The following CALN1 variants were observed in gnomAD, a reference collection of about 807,000 sequenced individuals.
CALN1 encodes the protein calneuron 1, also known as calcium-binding protein 8.
Under a neutral mutation model 30.6 loss-of-function variants are expected in CALN1, and 17 were observed. The observed-to-expected ratio is 0.56, with a 90% CI of 0.38 to 0.83. CALN1 has a LOEUF of 0.83. Among genes scored for constraint, CALN1 ranks in the 40% least tolerant of loss-of-function variants. The pLI is 0.00. For synonymous variants in CALN1, 156 were observed against 131.4 expected, an observed-to-expected ratio of 1.19 and a Z score of -1.28; for missense variants, 291 against 354.9, an observed-to-expected ratio of 0.82 and a Z score of 1.45.
At chr7:72,286,249 A>C (rs146367696) in intron 2 of CALN1, among the ~76,000 whole-genome samples, 2,474 of 151,934 alleles carry the variant, frequency 0.016, 34 homozygotes, top group Middle Eastern at 0.031. Flanking sequence ...TGCTTTATTA[A>C]AGCAGCCAAG....
intron 5 of CALN1, among the ~76,000 whole-genome samples, chr7:71,822,126 G>C (rs1284297048): frequency 6.6e-6 from 1 of 152,118 alleles, no homozygotes; most frequent in African/African-American, 2.4e-5. Context: ...CTCTTACAAG[G>C]AGGCTAGAAT....
intron 2 of CALN1, among the ~76,000 whole-genome samples, chr7:72,380,716 G>GATAGATAGATAGATAC (rs1554394763): frequency 1.5e-4 from 22 of 150,622 alleles, no homozygotes; most frequent in African/African-American, 3.9e-4. Flanking sequence ...TAGATAGATA[G>GATAGATAGATAGATAC]ATAGATACAT....
chr7:71,800,057 T>C (rs917288246), intron 6 of CALN1, among the ~76,000 whole-genome samples: 7 of 152,196 alleles, frequency 4.6e-5, no homozygotes, highest in Admixed American at 2.6e-4. Context: ...AGAACCATTG[T>C]GCATGGCCAG....
intron 2 of CALN1, among the ~76,000 whole-genome samples, chr7:72,319,564 A>G (rs1211192864): frequency 6.6e-6 from 1 of 152,106 alleles, no homozygotes; most frequent in Non-Finnish European, 1.5e-5. Context: ...CATACACACA[A>G]TGGAATACTA....
intron 1 of CALN1, among the ~76,000 whole-genome samples, chr7:72,441,304 T>G (rs905973331): frequency 1.3e-5 from 2 of 151,502 alleles, no homozygotes; most frequent in Non-Finnish European, 2.9e-5. Context: ...AGTTAAAAAT[T>G]GGGAGAATGA....
chr7:72,135,641 G>A (rs1280393502), intron 3 of CALN1, among the ~76,000 whole-genome samples: 2 of 152,190 alleles, frequency 1.3e-5, no homozygotes, highest in Admixed American at 1.3e-4. Flanking sequence ...CATGTCTAGA[G>A]CATAGGCAGA....
At chr7:72,447,338 G>A (rs565069876), upstream of CALN1, among the ~76,000 whole-genome samples, 7 of 152,166 alleles carry the variant, frequency 4.6e-5, no homozygotes, top group Middle Eastern at 6.8e-3. Flanking sequence ...CAAGAAAACG[G>A]GGCTGAGAAG....
intron 3 of CALN1, among the ~76,000 whole-genome samples, chr7:72,158,356 C>T (rs984611175): frequency 1.3e-5 from 2 of 152,004 alleles, no homozygotes; most frequent in African/African-American, 4.8e-5. Flanking sequence ...AGTAGGAGGC[C>T]CTGGCCGTAG....
chr7:71,940,187 C>G (rs1479619624), intron 5 of CALN1, among the ~76,000 whole-genome samples: 1 of 152,142 alleles, frequency 6.6e-6, no homozygotes, highest in African/African-American at 2.4e-5. Flanking sequence ...GTGAGACTGA[C>G]AAAAATCTGA....
intron 4 of CALN1, among the ~76,000 whole-genome samples, chr7:72,099,773 A>G (rs1806512608): frequency 6.6e-6 from 1 of 151,870 alleles, no homozygotes; most frequent in South Asian, 2.1e-4. Flanking sequence ...CTGAGCTTCA[A>G]AAATAAATAA....
chr7:72,264,417 C>G (rs1796477245), intron 3 of CALN1, among the ~76,000 whole-genome samples: 1 of 152,138 alleles, frequency 6.6e-6, no homozygotes, highest in South Asian at 2.1e-4. Flanking sequence ...AAGGACAAAT[C>G]TCCAACACTT....
chr7:72,333,584 C>T (rs992103552), intron 2 of CALN1, among the ~76,000 whole-genome samples: 32 of 151,680 alleles, frequency 2.1e-4, no homozygotes, highest in African/African-American at 7.8e-4. Flanking sequence ...GCTGGTTGCA[C>T]TGCTTAATGG....
intron 3 of CALN1, among the ~76,000 whole-genome samples, chr7:72,213,228 C>T (rs1448752352): frequency 1.3e-5 from 2 of 152,174 alleles, no homozygotes; most frequent in Non-Finnish European, 2.9e-5. Flanking sequence ...CTTTGTTCTC[C>T]GCTCTAGCAA....
At chr7:71,848,807 T>TA (rs1790471258) in intron 5 of CALN1, among the ~76,000 whole-genome samples, 1 of 152,194 alleles carries the variant, frequency 6.6e-6, no homozygotes, top group Non-Finnish European at 1.5e-5. Flanking sequence ...GCTGAAACTC[T>TA]AACTCAGGTT....
intron 2 of CALN1, among the ~76,000 whole-genome samples, chr7:72,352,638 A>G (rs530707404): frequency 8.5e-5 from 13 of 152,294 alleles, no homozygotes; most frequent in African/African-American, 3.1e-4. Context: ...GAGATCAGCT[A>G]AAACAGTGCT....
chr7:72,347,256 CT>C lies in CALN1; in HGVS notation c.119+55994del, dbSNP rs909117302. Among the ~76,000 whole-genome samples, 1,138 of 141,582 alleles carry C rather than the reference CT, an allele frequency of 8.0e-3. 15 individuals are homozygous for C. The highest frequency in any genetic ancestry group is 0.028 in the African/African-American group (1,087 of 38,154). The allele number at this position is 141,582 out of a possible 152,430, so 92.9% of individuals were successfully genotyped here. On this transcript the variant is annotated intron_variant, in intron 2 of 6. Coordinates refer to ENST00000395275, the MANE Select transcript of CALN1 (RefSeq NM_031468.4). ...TTTTTCTTTTTTTTTTTCCTTTTTT[CT>C]TTTTTTTGAGACGGAGTTCCCCTCT... is the stretch of plus-strand genomic sequence containing the variant.
intron 3 of CALN1, among the ~76,000 whole-genome samples, chr7:72,170,673 C>A (rs745763124): frequency 4.5e-4 from 68 of 152,286 alleles, no homozygotes; most frequent in South Asian, 8.3e-4. Flanking sequence ...TAATTTAGGT[C>A]ATCTGTCATT....
At chr7:72,159,773 G>A (rs949721008) in intron 3 of CALN1, among the ~76,000 whole-genome samples, 5 of 152,304 alleles carry the variant, frequency 3.3e-5, no homozygotes, top group African/African-American at 1.2e-4. Context: ...ACTCCAGCCT[G>A]GGTGGCAGAG....
intron 4 of CALN1, among the ~76,000 whole-genome samples, chr7:72,044,599 CTTTTTTTTTTTTTT>C (rs549079139): frequency 3.1e-5 from 3 of 96,684 alleles, no homozygotes; most frequent in Non-Finnish European, 3.9e-5. Flanking sequence ...CCGCTTAAAA[CTTTTTTTTTTTTTT>C]TTTTTTTTTT....
Sources: gnomAD v4.1 joint callset for allele counts (sites outside exome capture counted in the v4.1 genomes callset) on GRCh38, gnomAD v4.1.1 for gene constraint, MANE v1.5 for transcripts, NCBI Gene and HGNC (gene_info 2026-07-23, HGNC 2026-07-21) for gene names.